FAM83B: variants seen among roughly 807,000 people sequenced by gnomAD.
FAM83B encodes the protein scaffolding CK1 anchoring protein B.
A neutral mutation model predicts 38.8 loss-of-function variants in FAM83B; 26 were observed. That is an observed-to-expected ratio of 0.67 (90% CI 0.49 to 0.93). The LOEUF (loss-of-function observed/expected upper bound fraction) is 0.93, where lower values mean the gene tolerates loss of function less well. FAM83B is among the 40% of genes least tolerant of loss of function. FAM83B has a pLI of 0.00. For missense variants in FAM83B, 1,237 were observed against 1,197.3 expected, an observed-to-expected ratio of 1.03 and a Z score of -0.49; for synonymous variants, 419 against 423.1, an observed-to-expected ratio of 0.99 and a Z score of 0.12.
At chr6:54,901,152 A>G (rs1169739763) in intron 2 of FAM83B, among the ~76,000 whole-genome samples, 1 of 152,182 alleles carries the variant, frequency 6.6e-6, no homozygotes, top group African/African-American at 2.4e-5. Context: ...AAGGTTACAG[A>G]TGACAAATAA....
intron 2 of FAM83B, among the ~76,000 whole-genome samples, chr6:54,914,053 A>C (rs1028775332): frequency 2.0e-5 from 3 of 152,122 alleles, no homozygotes; most frequent in Non-Finnish European, 4.4e-5. Context: ...TTGAAATCCA[A>C]ACAAGATCTG....
chr6:54,875,366 A>G (rs1041536365), intron 2 of FAM83B, among the ~76,000 whole-genome samples: 1 of 152,110 alleles, frequency 6.6e-6, no homozygotes. Context: ...TTAGACTAGA[A>G]TGGTCTCTGT....
intron 2 of FAM83B, among the ~76,000 whole-genome samples, chr6:54,894,127 G>A (rs571742075): frequency 4.6e-5 from 7 of 152,284 alleles, no homozygotes; most frequent in African/African-American, 1.7e-4. Context: ...AGGGAGAAGG[G>A]TTCTTTCAAA....
intron 1 of FAM83B, among the ~76,000 whole-genome samples, chr6:54,867,095 T>TC (rs1771725250): frequency 2.0e-5 from 3 of 151,786 alleles, no homozygotes. Context: ...TTTTTTTTTT[T>TC]CTCTACTCAT....
intron 4 of FAM83B, among the ~76,000 whole-genome samples, chr6:54,933,864 A>G (rs1773473899): frequency 6.6e-6 from 1 of 152,088 alleles, no homozygotes; most frequent in Admixed American, 6.6e-5. Context: ...TATGATCCAC[A>G]GTCTACTCTT....
chr6:54,900,571 A>G (rs1246305001), intron 2 of FAM83B, among the ~76,000 whole-genome samples: 5 of 152,216 alleles, frequency 3.3e-5, no homozygotes, highest in African/African-American at 7.2e-5. Flanking sequence ...ATTTGTTGCC[A>G]TAGATTCTGT....
At chr6:54,938,317 C>T (rs1323876321) in intron 4 of FAM83B, among the ~76,000 whole-genome samples, 1 of 152,124 alleles carries the variant, frequency 6.6e-6, no homozygotes, top group Non-Finnish European at 1.5e-5. Flanking sequence ...GCAAATTGTG[C>T]TGCTATAAAT....
chr6:54,886,841 A>G (rs914976476), intron 2 of FAM83B, among the ~76,000 whole-genome samples: 4 of 152,048 alleles, frequency 2.6e-5, no homozygotes, highest in African/African-American at 7.2e-5. Flanking sequence ...GTGAATTGGA[A>G]AATAATTTTT....
rs545380789 is a variant in FAM83B at position 54,887,000 on chromosome 6, G to A, written c.444+16310G>A. Among the ~76,000 whole-genome samples the A allele has an allele frequency of 2.6e-5, 4 of 151,896 alleles. No individual in the cohort carries two copies. In the South Asian group the frequency reaches 6.2e-4, roughly 24 times the overall value. On this transcript the variant is annotated intron_variant, in intron 2 of 4. Coordinates refer to ENST00000306858, the MANE Select transcript of FAM83B (RefSeq NM_001010872.3). ...GTTTGTTAAATTTCCAAATCGTTTC[G>A]AATTTTTATCTTTTTGTCGTTGAAT...
Position 54,876,278 on chromosome 6 carries a change from CATATATATATATATATAT to C in FAM83B, c.444+5613_444+5630del, listed in dbSNP as rs3996949. Reference sequence around the variant, plus strand: ...TTAAAATGCAAGTTATTTAGGAGTGCATATATATATATATATATATATATATATATATATATATATATG... The same window carrying C: ...TTAAAATGCAAGTTATTTAGGAGTGCATATATATATATATATATATATATG... On this transcript the variant is annotated intron_variant, in intron 2 of 4. Transcript: ENST00000306858. 4.1e-3 allele frequency among the ~76,000 whole-genome samples: 391 copies of C among 96,194 alleles called. 5 individuals carry two copies. The highest frequency in any genetic ancestry group is 0.016 in the African/African-American group (357 of 22,636). The allele number at this position is 96,194 out of a possible 152,430, so 63.1% of individuals were successfully genotyped here.
chr6:54,875,579 T>C (rs1771971069), intron 2 of FAM83B, among the ~76,000 whole-genome samples: 2 of 152,144 alleles, frequency 1.3e-5, no homozygotes, highest in African/African-American at 4.8e-5. Flanking sequence ...GCATTACATG[T>C]TAATATATAT....
At chr6:54,860,863 T>C (rs1462601353) in intron 1 of FAM83B, among the ~76,000 whole-genome samples, 1 of 152,216 alleles carries the variant, frequency 6.6e-6, no homozygotes, top group Non-Finnish European at 1.5e-5. Context: ...CATCAAAATG[T>C]AAAACTCTCT....
At chr6:54,916,697 C>T (rs1773047405) in intron 2 of FAM83B, among the ~76,000 whole-genome samples, 1 of 152,074 alleles carries the variant, frequency 6.6e-6, no homozygotes, top group Admixed American at 6.5e-5. Context: ...ATATACCTAG[C>T]CAATATTATA....
chr6:54,870,767 T>C, intron 2 of FAM83B, 77 bp downstream of exon 2: 1 of 1,325,244 alleles, frequency 7.5e-7, no homozygotes, highest in Non-Finnish European at 1.0e-6. Context: ...CAAATATGTA[T>C]GTTAATAAAA....
At position 54,916,802 on chromosome 6, in the gene FAM83B, A is replaced by T. The variant is rs16886185; in HGVS notation, c.445-9569A>T. Among the ~76,000 whole-genome samples the T allele has an allele frequency of 6.0e-3, 909 of 152,290 alleles. 5 individuals carry two copies. The highest frequency in any genetic ancestry group is 9.0e-3 in the Non-Finnish European group (610 of 68,018). ...TATTTGTCTCTTTGACTCTATTTGC[A>T]TGACTTACGAACCAACTTCTACATT... On this transcript the variant is annotated intron_variant, in intron 2 of 4. Transcript: ENST00000306858.
intron 1 of FAM83B, among the ~76,000 whole-genome samples, chr6:54,865,810 G>A (rs1031140570): frequency 2.6e-5 from 4 of 151,998 alleles, no homozygotes; most frequent in Non-Finnish European, 5.9e-5. Context: ...TACTAGGTTT[G>A]GTTGTTTTAT....
chr6:54,933,748 T>C (rs1319601220), intron 4 of FAM83B, among the ~76,000 whole-genome samples: 2 of 152,178 alleles, frequency 1.3e-5, no homozygotes, highest in African/African-American at 2.4e-5. Flanking sequence ...TTTAACATGC[T>C]GCTTACCTCT....
chr6:54,903,696 C>G (rs1163782687), intron 2 of FAM83B, among the ~76,000 whole-genome samples: 2 of 151,984 alleles, frequency 1.3e-5, no homozygotes, highest in African/African-American at 4.8e-5. Context: ...ATAAAATCAT[C>G]TCAAGTGTTT....
At chr6:54,922,242 A>G (rs62414964) in intron 2 of FAM83B, among the ~76,000 whole-genome samples, 407 of 152,180 alleles carry the variant, frequency 2.7e-3, no homozygotes, top group Non-Finnish European at 4.7e-3. Context: ...AATGTGTTAC[A>G]TGCAGACTAT....
Sources: allele counts gnomAD v4.1 joint callset (sites outside exome capture counted in the v4.1 genomes callset), GRCh38; gene constraint gnomAD v4.1.1; transcripts MANE v1.5; gene names NCBI Gene and HGNC (gene_info 2026-07-23, HGNC 2026-07-21).